The following TENT5C variants were observed in gnomAD, a reference collection of about 807,000 sequenced individuals.
The protein encoded by TENT5C is terminal nucleotidyltransferase 5C.
A neutral mutation model predicts 22.2 loss-of-function variants in TENT5C; 5 were observed. That is an observed-to-expected ratio of 0.22 (90% confidence interval 0.12 to 0.47). The LOEUF (loss-of-function observed/expected upper bound fraction) is 0.47. TENT5C is among the 20% of genes least tolerant of loss of function. The pLI, the probability that TENT5C is intolerant of heterozygous loss-of-function variation, is 0.99. For synonymous variants in TENT5C, 199 were observed against 195.4 expected, an observed-to-expected ratio of 1.02 and a Z score of -0.15; for missense variants, 364 against 500.9, an observed-to-expected ratio of 0.73 and a Z score of 2.61.
In TENT5C at chr1:117,623,342, C is replaced by T; in HGVS notation, c.474C>T (p.Ser158=). 6.2e-7 allele frequency: 1 copy of T among 1,614,166 alleles called. No homozygotes were observed. Among genetic ancestry groups the T allele is most frequent in the Non-Finnish European group, 8.5e-7 (1 of 1,180,034 alleles). ...DTDRWSLISL[S]NKNGKNVELK... ...ACCGCTGGAGCCTGATCTCCCTCTC[C>T]AACAAGAACGGGAAGAACGTGGAGC... The change falls in exon 2 of 2, where the codon TCC becomes TCT. Residue 158 remains serine (S), a synonymous_variant. Coordinates refer to ENST00000369448, the MANE Select transcript of TENT5C (RefSeq NM_017709.4).
At chr1:117,609,518 T>C (rs1653616594) in intron 1 of TENT5C, among the ~76,000 whole-genome samples, 1 of 152,062 alleles carries the variant, frequency 6.6e-6, no homozygotes, top group Non-Finnish European at 1.5e-5. Flanking sequence ...TGTTTATTTC[T>C]TGGAGAACCG....
rs1653938278 is a variant in TENT5C at position 117,623,224 on chromosome 1, TCCTGC to T, written c.358_362del (p.Leu120ArgfsTer29). The T allele has an allele frequency of 1.2e-6, 2 of 1,614,074 alleles. No homozygotes were observed. The highest frequency in any genetic ancestry group is 2.7e-5 in the African/African-American group (2 of 74,918). ...GTGGTTCTGTGTTCCCTTCTGAACT[TCCTGC>T]CAGAGGGTGTGAACAAGCTCAAAAT... is the stretch of plus-strand genomic sequence containing the variant. On this transcript the variant is annotated frameshift_variant, in exon 2 of 2. Transcript: ENST00000369448. LOFTEE classifies it high-confidence loss of function.
At position 117,625,097 on chromosome 1, in the gene TENT5C, T is replaced by A. The variant is rs1239270397; in HGVS notation, c.*1053T>A. On this transcript the variant is annotated 3_prime_UTR_variant, in exon 2 of 2. Transcript: ENST00000369448. ...GTACTTTAGCTATTTTTTGTTTTTGTTCTTTTCGTTTTTTTTTTTTCCAAA... is the reference window on the plus strand; with the variant it reads ...GTACTTTAGCTATTTTTTGTTTTTGATCTTTTCGTTTTTTTTTTTTCCAAA... 3 of 245,216 alleles carry A rather than the reference T, an allele frequency of 1.2e-5. No individual in the cohort carries two copies. The highest frequency in any genetic ancestry group is 5.6e-5 in the Admixed American group (1 of 17,732). The allele number at this position is 245,216 out of a possible 1,614,324, so 15.2% of individuals were successfully genotyped here.
In TENT5C at chr1:117,623,029, C is replaced by A; in HGVS notation, c.161C>A (p.Thr54Asn). 1 of 1,614,226 alleles carries A rather than the reference C, an allele frequency of 6.2e-7. No homozygotes were observed. Among genetic ancestry groups the A allele is most frequent in the South Asian group, 1.1e-5 (1 of 91,080 alleles). Residue 54 changes from threonine (T) to asparagine (N), a missense_variant, in exon 2 of 2, where the codon ACC becomes AAC. Around this residue, in one of 3 missense-constraint regions of TENT5C, gnomAD observed 303 missense variants for 394.5 expected, o/e 0.77. Coordinates refer to ENST00000369448, the MANE Select transcript of TENT5C (RefSeq NM_017709.4). ...LEITLKDIVQ[T>N]VRSRLEEAGI... Reference sequence around the variant, plus strand: ...ATAACTCTGAAGGACATCGTCCAGACCGTCCGCAGTCGGCTGGAGGAGGCA... The same window carrying A: ...ATAACTCTGAAGGACATCGTCCAGAACGTCCGCAGTCGGCTGGAGGAGGCA...
rs1054954442 is a variant in TENT5C at position 117,627,848 on chromosome 1, G to A, written c.*3804G>A. 1.1e-3 allele frequency: 235 copies of A among 217,746 alleles called. 1 individual carries two copies. Among genetic ancestry groups the A allele is most frequent in the African/African-American group, 5.1e-3 (222 of 43,658 alleles). 13.5% of individuals were successfully genotyped at this position (217,746 alleles called of 1,614,324 possible). A position where few individuals can be genotyped will look rare whatever the true frequency, so the allele number is the denominator to read the frequency against. ...TTAAGATCAGGAAATAAAAGACTGT[G>A]TGTGTGTGTGTGTGTGCGTGTGTGT... On this transcript the variant is annotated 3_prime_UTR_variant, in exon 2 of 2. Transcript: ENST00000369448.
intron 1 of TENT5C, among the ~76,000 whole-genome samples, chr1:117,618,130 T>C (rs535049220): frequency 1.8e-4 from 28 of 152,334 alleles, no homozygotes; most frequent in Admixed American, 7.2e-4. Context: ...ACAGACTTTT[T>C]CCCCTAGAAT....
rs114999795 is a variant in TENT5C at position 117,606,797 on chromosome 1, T to G, written c.-28+644T>G. On this transcript the variant is annotated intron_variant, in intron 1 of 1. Coordinates refer to ENST00000369448, the MANE Select transcript of TENT5C (RefSeq NM_017709.4). ...GGAGAAGGGCGGAGATCCTTAAATT[T>G]AATGCGCTCACATCAGACTGTGGAC... 8.9e-3 allele frequency among the ~76,000 whole-genome samples: 1,348 copies of G among 152,258 alleles called. 29 individuals carry two copies. The highest frequency in any genetic ancestry group is 0.03 in the African/African-American group (1,227 of 41,542).
intron 1 of TENT5C, among the ~76,000 whole-genome samples, chr1:117,606,516 G>A (rs1311656105): frequency 6.6e-6 from 1 of 152,202 alleles, no homozygotes; most frequent in Non-Finnish European, 1.5e-5. Flanking sequence ...CGTCTGAAGA[G>A]TGTGTGATCG....
intron 1 of TENT5C, among the ~76,000 whole-genome samples, chr1:117,606,901 T>C (rs1374944288): frequency 6.6e-6 from 1 of 152,208 alleles, no homozygotes; most frequent in Non-Finnish European, 1.5e-5. Flanking sequence ...ATGCGGTGTC[T>C]GTGAAACCTG....
Position 117,627,573 on chromosome 1 carries a change from C to T in TENT5C, c.*3529C>T, listed in dbSNP as rs1349506897. On this transcript the variant is annotated 3_prime_UTR_variant, in exon 2 of 2. Coordinates refer to ENST00000369448, the MANE Select transcript of TENT5C (RefSeq NM_017709.4). Reference sequence around the variant, plus strand: ...TGACGCTCATAGAGGCCATTCCTTCCTGGGTGTCGGACCAGGGCTCTGTGT... The same window carrying T: ...TGACGCTCATAGAGGCCATTCCTTCTTGGGTGTCGGACCAGGGCTCTGTGT... 2 of 248,010 alleles carry T rather than the reference C, an allele frequency of 8.1e-6. No individual in the cohort carries two copies. The highest frequency in any genetic ancestry group is 1.2e-4 in the East Asian group (2 of 16,604). 15.4% of individuals were successfully genotyped at this position (248,010 alleles called of 1,614,324 possible).
chr1:117,606,887 G>A (rs1011266512), intron 1 of TENT5C, among the ~76,000 whole-genome samples: 1 of 152,192 alleles, frequency 6.6e-6, no homozygotes, highest in African/African-American at 2.4e-5. Flanking sequence ...GAAACTTCTT[G>A]GGAATGCGGT....
chr1:117,620,092 TC>T (rs1301244247), intron 1 of TENT5C, among the ~76,000 whole-genome samples: 2 of 151,910 alleles, frequency 1.3e-5, no homozygotes, highest in Admixed American at 1.3e-4. Context: ...CCTGTGTACT[TC>T]CCCCCACCAA....
At chr1:117,610,940 C>T (rs1049016639) in intron 1 of TENT5C, among the ~76,000 whole-genome samples, 4 of 152,212 alleles carry the variant, frequency 2.6e-5, no homozygotes, top group Admixed American at 1.3e-4. Context: ...CCTATAAAAA[C>T]ATTTTGAGAA....
At chr1:117,617,095 G>A (rs1361736337) in intron 1 of TENT5C, among the ~76,000 whole-genome samples, 1 of 152,162 alleles carries the variant, frequency 6.6e-6, no homozygotes. Context: ...TCATGCACCT[G>A]CCTCTCCCGC....
At chr1:117,617,839 A>T (rs1214729123) in intron 1 of TENT5C, among the ~76,000 whole-genome samples, 1 of 152,226 alleles carries the variant, frequency 6.6e-6, no homozygotes, top group Non-Finnish European at 1.5e-5. Context: ...TATGACTTGG[A>T]TGTATTCTAG....
At chr1:117,612,889 A>G (rs1653699119) in intron 1 of TENT5C, among the ~76,000 whole-genome samples, 1 of 152,228 alleles carries the variant, frequency 6.6e-6, no homozygotes, top group Non-Finnish European at 1.5e-5. Context: ...CTTTTGGACA[A>G]CTGTTTAAAG....
Position 117,627,332 on chromosome 1 carries a change from C to T in TENT5C, c.*3288C>T. 1 of 248,200 alleles carries T rather than the reference C, an allele frequency of 4.0e-6. No individual in the cohort carries two copies. Among genetic ancestry groups the T allele is most frequent in the Non-Finnish European group, 8.5e-6 (1 of 118,132 alleles). The allele number at this position is 248,200 out of a possible 1,614,324, so 15.4% of individuals were successfully genotyped here. On this transcript the variant is annotated 3_prime_UTR_variant, in exon 2 of 2. Coordinates refer to ENST00000369448, the MANE Select transcript of TENT5C (RefSeq NM_017709.4). ...TTCAGCTTCACCTCTGCACTAACCC[C>T]TTACCCTTATGGTACGTCAGGATTT...
At chr1:117,616,599 T>C (rs1218785611) in intron 1 of TENT5C, among the ~76,000 whole-genome samples, 1 of 152,212 alleles carries the variant, frequency 6.6e-6, no homozygotes, top group Non-Finnish European at 1.5e-5. Flanking sequence ...TTGGAGTCTG[T>C]CACCAGGCTT....
At chr1:117,618,250 C>T (rs1653827254) in intron 1 of TENT5C, among the ~76,000 whole-genome samples, 1 of 152,044 alleles carries the variant, frequency 6.6e-6, no homozygotes, top group African/African-American at 2.4e-5. Flanking sequence ...GCAGCTGTAG[C>T]CAGCAACCAA....
Sources: gnomAD v4.1 joint callset for allele counts (sites outside exome capture counted in the v4.1 genomes callset) on GRCh38, gnomAD v4.1.1 for gene constraint, gnomAD v4.1.1 regional missense constraint, MANE v1.5 for transcripts, NCBI Gene and HGNC (gene_info 2026-07-23, HGNC 2026-07-21) for gene names.